Variants in KCNIP3 observed in about 807,000 individuals in gnomAD.
The protein encoded by KCNIP3 is potassium voltage-gated channel interacting protein 3.
Under a neutral mutation model 35.0 loss-of-function variants are expected in KCNIP3, and 28 were observed. That is an observed-to-expected ratio of 0.80 (90% CI 0.59 to 1.10). KCNIP3 has a LOEUF of 1.10. Among genes scored for constraint, KCNIP3 ranks in the 50% least tolerant of loss-of-function variants. KCNIP3 has a pLI of 0.00. For missense variants in KCNIP3, 295 were observed against 338.4 expected, an observed-to-expected ratio of 0.87 and a Z score of 1.01; for synonymous variants, 134 against 133.8, an observed-to-expected ratio of 1.00 and a Z score of -0.01.
chr2:95,317,112 CCT>C (rs1678476720), intron 2 of KCNIP3, among the ~76,000 whole-genome samples: 1 of 152,192 alleles, frequency 6.6e-6, no homozygotes, highest in Non-Finnish European at 1.5e-5. Context: ...CAAGAGACAG[CCT>C]AAGGCTAGGG....
chr2:95,346,987 C>CGGGCCCCA (rs761088501), intron 2 of KCNIP3: 11 of 1,530,330 alleles, frequency 7.2e-6, no homozygotes, highest in Non-Finnish European at 8.9e-6. Context: ...GGGGTGCGCC[C>CGGGCCCCA]GGGCCCCAGG....
chr2:95,353,226 G>A (rs1679571582), intron 2 of KCNIP3, among the ~76,000 whole-genome samples: 1 of 152,200 alleles, frequency 6.6e-6, no homozygotes, highest in Non-Finnish European at 1.5e-5. Context: ...GGAAGAGAAA[G>A]AGATGCTTTC....
chr2:95,300,606 C>T (rs1020576358), intron 1 of KCNIP3, among the ~76,000 whole-genome samples: 3 of 152,218 alleles, frequency 2.0e-5, no homozygotes, highest in Non-Finnish European at 2.9e-5. Context: ...GGGCGAGTCC[C>T]GTGCTGCTTC....
Position 95,378,240 on chromosome 2 carries a change from A to G in KCNIP3, c.447+3032A>G, listed in dbSNP as rs1303751387. 1.3e-5 allele frequency among the ~76,000 whole-genome samples: 2 copies of G among 152,058 alleles called. No individual in the cohort carries two copies. Among genetic ancestry groups the G allele is most frequent in the Non-Finnish European group, 2.9e-5 (2 of 68,014 alleles). Reference sequence around the variant, plus strand: ...TGGCCTCAAGTGATCCTCCTACCCCAGCCTCCCGAGTACCTGGGACTGCGG... The same window carrying G: ...TGGCCTCAAGTGATCCTCCTACCCCGGCCTCCCGAGTACCTGGGACTGCGG... On this transcript the variant is annotated intron_variant, in intron 5 of 8. Coordinates refer to ENST00000295225, the MANE Select transcript of KCNIP3 (RefSeq NM_013434.5). The surrounding 1 kb of genome is among the most constrained non-coding windows in gnomAD (Gnocchi z 4.0).
chr2:95,320,389 G>A (rs1678563109), intron 2 of KCNIP3, among the ~76,000 whole-genome samples: 1 of 152,108 alleles, frequency 6.6e-6, no homozygotes, highest in Non-Finnish European at 1.5e-5. Context: ...TGCCACTCAC[G>A]GCAGCCTGGA....
At chr2:95,342,658 G>A (rs1427839334) in intron 2 of KCNIP3, among the ~76,000 whole-genome samples, 3 of 152,138 alleles carry the variant, frequency 2.0e-5, no homozygotes, top group South Asian at 2.1e-4. Flanking sequence ...AGGTGACTCC[G>A]TTCTCAGGCC....
chr2:95,346,214 C>T (rs1679353557), intron 2 of KCNIP3, among the ~76,000 whole-genome samples: 1 of 152,074 alleles, frequency 6.6e-6, no homozygotes, highest in African/African-American at 2.4e-5. Flanking sequence ...GTGAGGGCTT[C>T]CCGGATCCCC....
intron 2 of KCNIP3, among the ~76,000 whole-genome samples, chr2:95,370,854 GGGCTCAAGCGATTCT>G (rs879540862): frequency 1.8e-4 from 28 of 151,790 alleles, no homozygotes; most frequent in Non-Finnish European, 3.4e-4. Flanking sequence ...CCAACCTCCT[GGGCTCAAGCGATTCT>G]CATGCCCCAG....
chr2:95,326,094 TAC>T (rs755351477), intron 2 of KCNIP3, among the ~76,000 whole-genome samples: 6 of 58,574 alleles, frequency 1.0e-4, no homozygotes, highest in Non-Finnish European at 1.7e-4. Context: ...CATATACACA[TAC>T]ACACATATAC....
At chr2:95,354,153 C>T (rs963051474) in intron 2 of KCNIP3, among the ~76,000 whole-genome samples, 9 of 152,140 alleles carry the variant, frequency 5.9e-5, no homozygotes, top group Non-Finnish European at 1.3e-4. Flanking sequence ...GGGAACTCTC[C>T]CGGACCTTGC....
At chr2:95,329,768 TA>T (rs776396027) in intron 2 of KCNIP3, among the ~76,000 whole-genome samples, 7 of 152,244 alleles carry the variant, frequency 4.6e-5, no homozygotes, top group Non-Finnish European at 1.0e-4. Context: ...AGTAAATATT[TA>T]CAGCCATTAC....
intron 2 of KCNIP3, among the ~76,000 whole-genome samples, chr2:95,354,237 A>G (rs1679598376): frequency 6.6e-6 from 1 of 152,238 alleles, no homozygotes; most frequent in African/African-American, 2.4e-5. Context: ...CTGCCCTGCC[A>G]TGGGCTCTTC....
At chr2:95,383,928 C>T (rs372807043) in intron 8 of KCNIP3, 74 bp from the exon 9 acceptor site, 37 of 1,294,416 alleles carry the variant, frequency 2.9e-5, no homozygotes, top group Middle Eastern at 3.9e-4. Flanking sequence ...GAGTCCCTGG[C>T]GGGAATCTGC....
At chr2:95,349,306 T>A (rs1264622562) in intron 2 of KCNIP3, among the ~76,000 whole-genome samples, 1 of 152,186 alleles carries the variant, frequency 6.6e-6, no homozygotes, top group Non-Finnish European at 1.5e-5. Context: ...TTGCCCCAGC[T>A]CTGCTCCAAG....
intron 2 of KCNIP3, among the ~76,000 whole-genome samples, chr2:95,320,956 C>A (rs1678580529): frequency 7.5e-6 from 1 of 133,462 alleles, no homozygotes; most frequent in Non-Finnish European, 1.6e-5. Flanking sequence ...CCTCCCCACC[C>A]CTCCCCAGCC....
chr2:95,309,333 G>T (rs1424329353), intron 1 of KCNIP3, among the ~76,000 whole-genome samples: 1 of 152,042 alleles, frequency 6.6e-6, no homozygotes, highest in African/African-American at 2.4e-5. Flanking sequence ...CCTGAAATAC[G>T]TTGTAGGAGA....
At chr2:95,383,103 T>A in intron 7 of KCNIP3, 129 bp from the exon 8 acceptor site, 1 of 758,018 alleles carries the variant, frequency 1.3e-6, no homozygotes, top group Non-Finnish European at 2.3e-6. Flanking sequence ...CAAGTTAGAG[T>A]GGAGGGAGCC....
chr2:95,304,231 T>C (rs1259674844), intron 1 of KCNIP3, among the ~76,000 whole-genome samples: 2 of 152,282 alleles, frequency 1.3e-5, no homozygotes, highest in Non-Finnish European at 2.9e-5. Context: ...ATTATTTTTC[T>C]TTAAATTAAC....
At chr2:95,364,512 A>G (rs759360743) in intron 2 of KCNIP3, among the ~76,000 whole-genome samples, 11 of 152,108 alleles carry the variant, frequency 7.2e-5, no homozygotes, top group Non-Finnish European at 1.6e-4. Context: ...ATGAATCCCC[A>G]ATGTTGGAGG....
Sources: allele counts gnomAD v4.1 joint callset (sites outside exome capture counted in the v4.1 genomes callset), GRCh38; gene constraint gnomAD v4.1.1; non-coding constraint Gnocchi (gnomAD v3.1); transcripts MANE v1.5; gene names NCBI Gene and HGNC (gene_info 2026-07-23, HGNC 2026-07-21).